Variants in MLIP observed in about 807,000 individuals in gnomAD.
The protein encoded by MLIP is muscular LMNA-interacting protein.
A neutral mutation model predicts 84.8 loss-of-function variants in MLIP; 79 were observed. The observed-to-expected ratio is 0.93, with a 90% CI of 0.78 to 1.12. The LOEUF is 1.12. MLIP is among the 50% of genes most tolerant of loss of function. MLIP has a pLI of 0.00. For missense variants in MLIP, 1,257 were observed against 1,160.6 expected (o/e 1.08, Z -1.21); for synonymous variants, 504 against 463.0 (o/e 1.09, Z -1.14).
At chr6:54,216,686 C>A in intron 11 of MLIP, 1 of 984,882 alleles carries the variant, frequency 1.0e-6, no homozygotes, top group African/African-American at 1.7e-5. Context: ...TTTCTTGGTT[C>A]AAATCAGGAT....
intron 9 of MLIP, among the ~76,000 whole-genome samples, chr6:54,174,606 A>T (rs530448389): frequency 6.6e-6 from 1 of 151,778 alleles, no homozygotes; most frequent in South Asian, 2.1e-4. Flanking sequence ...ATAATACTTT[A>T]TGATAGAGCT....
Position 54,137,537 on chromosome 6 carries a change from T to C in MLIP, c.1468T>C (p.Ser490Pro). ...ELQVSELTQQ[S>P]FHLPVFTKST... ...CCAGGTTTCTGAATTGACCCAGCAATCTTTTCACCTGCCTGTTTTCACCAA... is the reference window on the plus strand; with the variant it reads ...CCAGGTTTCTGAATTGACCCAGCAACCTTTTCACCTGCCTGTTTTCACCAA... Residue 490 changes from serine to proline, a missense_variant, in exon 4 of 14, where the codon TCT becomes CCT. Physicochemically the swap from Ser to Pro is moderately conservative, Grantham distance 74. Transcript: ENST00000502396. The C allele has an allele frequency of 1.3e-6, 2 of 1,536,090 alleles. No individual in the cohort carries two copies. The highest frequency in any genetic ancestry group is 1.7e-6 in the Non-Finnish European group (2 of 1,146,902).
chr6:54,080,418 G>A (rs1767063557), intron 1 of MLIP, among the ~76,000 whole-genome samples: 1 of 151,918 alleles, frequency 6.6e-6, no homozygotes, highest in African/African-American at 2.4e-5. Context: ...AAATGAGGTT[G>A]ACAACTGATC....
chr6:54,173,245 A>G (rs180928848), intron 9 of MLIP, among the ~76,000 whole-genome samples: 35 of 151,808 alleles, frequency 2.3e-4, no homozygotes, highest in African/African-American at 8.0e-4. Context: ...CTTCATGTCA[A>G]AGTTTCTGCC....
intron 4 of MLIP, among the ~76,000 whole-genome samples, chr6:54,139,371 G>A (rs1037601416): frequency 6.6e-6 from 1 of 152,110 alleles, no homozygotes; most frequent in Non-Finnish European, 1.5e-5. Flanking sequence ...AGTAAGGGAA[G>A]TTATAAAAAA....
chr6:54,069,456 A>G (rs1766360634), intron 1 of MLIP, among the ~76,000 whole-genome samples: 1 of 100,132 alleles, frequency 1.0e-5, no homozygotes, highest in African/African-American at 2.6e-5. Context: ...TTGACATTCA[A>G]GGGGGATTGG....
intron 11 of MLIP, among the ~76,000 whole-genome samples, chr6:54,221,225 C>A (rs1483458781): frequency 6.6e-6 from 1 of 152,004 alleles, no homozygotes; most frequent in Non-Finnish European, 1.5e-5. Context: ...CCAACTCATA[C>A]CCCAAACCCT....
intron 3 of MLIP, among the ~76,000 whole-genome samples, chr6:54,134,844 A>T (rs574379558): frequency 6.6e-6 from 1 of 152,208 alleles, no homozygotes; most frequent in African/African-American, 2.4e-5. Flanking sequence ...TTATTAATTT[A>T]CAGAATTCTT....
intron 3 of MLIP, among the ~76,000 whole-genome samples, chr6:54,125,179 G>A (rs1033290144): frequency 1.3e-5 from 2 of 152,176 alleles, no homozygotes; most frequent in African/African-American, 4.8e-5. Flanking sequence ...GATATGAGGA[G>A]TTTCTTTAGT....
intron 12 of MLIP, among the ~76,000 whole-genome samples, chr6:54,236,748 A>G (rs1403991009): frequency 6.6e-6 from 1 of 152,172 alleles, no homozygotes; most frequent in Non-Finnish European, 1.5e-5. Flanking sequence ...TATGCTCAAG[A>G]AGGCTATGAT....
intron 12 of MLIP, among the ~76,000 whole-genome samples, chr6:54,243,719 A>G (rs1318414276): frequency 1.3e-5 from 2 of 152,172 alleles, no homozygotes; most frequent in Admixed American, 6.5e-5. Context: ...ACGTCTATCA[A>G]TAAAGTGGCA....
chr6:54,258,028 C>T (rs1320238514), intron 13 of MLIP, among the ~76,000 whole-genome samples: 1 of 151,856 alleles, frequency 6.6e-6, no homozygotes, highest in Non-Finnish European at 1.5e-5. Flanking sequence ...TTTTGTATTC[C>T]TCAAGAGCAA....
At chr6:54,080,497 A>G (rs1767070063) in intron 1 of MLIP, among the ~76,000 whole-genome samples, 1 of 151,762 alleles carries the variant, frequency 6.6e-6, no homozygotes, top group Non-Finnish European at 1.5e-5. Context: ...CAATCATTTC[A>G]CTTTCTATTT....
At chr6:54,249,734 C>CACACACAT (rs145607176) in intron 12 of MLIP, among the ~76,000 whole-genome samples, 4 of 127,612 alleles carry the variant, frequency 3.1e-5, no homozygotes, top group African/African-American at 1.2e-4. Context: ...CACACACACA[C>CACACACAT]ATATATATAT....
intron 8 of MLIP, among the ~76,000 whole-genome samples, chr6:54,165,906 G>A (rs951853989): frequency 6.6e-6 from 1 of 151,882 alleles, no homozygotes; most frequent in Admixed American, 6.6e-5. Context: ...AAACAGTCCA[G>A]AGAGAAACCT....
intron 5 of MLIP, among the ~76,000 whole-genome samples, chr6:54,159,083 T>A (rs1264955413): frequency 1.3e-5 from 2 of 152,016 alleles, no homozygotes; most frequent in African/African-American, 4.8e-5. Flanking sequence ...AGCTAATTTT[T>A]AAAATTTTTT....
intron 12 of MLIP, among the ~76,000 whole-genome samples, chr6:54,232,763 A>G (rs1456630827): frequency 6.6e-6 from 1 of 152,174 alleles, no homozygotes; most frequent in Non-Finnish European, 1.5e-5. Context: ...CTTTTCTTCA[A>G]TACGCTAACA....
chr6:54,080,450 G>C (rs1051265654), intron 1 of MLIP, among the ~76,000 whole-genome samples: 2 of 146,168 alleles, frequency 1.4e-5, no homozygotes, highest in Non-Finnish European at 3.0e-5. Context: ...ATTTTATACT[G>C]TAAAAAGCTT....
chr6:54,249,101 A>G (rs1475493669), intron 12 of MLIP, among the ~76,000 whole-genome samples: 1 of 152,102 alleles, frequency 6.6e-6, no homozygotes, highest in Non-Finnish European at 1.5e-5. Flanking sequence ...TCAGTGCAGG[A>G]GATGCCATAA....
Sources: allele counts gnomAD v4.1 joint callset (sites outside exome capture counted in the v4.1 genomes callset), GRCh38; gene constraint gnomAD v4.1.1; transcripts MANE v1.5; gene names NCBI Gene and HGNC (gene_info 2026-07-23, HGNC 2026-07-21).